Variants in APOBEC3F observed in about 807,000 individuals in gnomAD.
APOBEC3F encodes the protein DNA dC->dU-editing enzyme APOBEC-3F.
In APOBEC3F, 34 loss-of-function variants were observed where a neutral mutation model predicts 45.8. That is an observed-to-expected ratio of 0.74 (90% CI 0.57 to 0.99). The LOEUF (loss-of-function observed/expected upper bound fraction) is 0.99, where lower values mean the gene tolerates loss of function less well. Among genes scored for constraint, APOBEC3F ranks in the 50% least tolerant of loss-of-function variants. The pLI, the probability that APOBEC3F is intolerant of heterozygous loss-of-function variation, is 0.00. For missense variants in APOBEC3F, 459 were observed against 474.1 expected (o/e 0.97, Z 0.30); for synonymous variants, 192 against 174.4 (o/e 1.10, Z -0.80).
At position 39,052,731 on chromosome 22, in the gene APOBEC3F, G is replaced by A. The variant is rs1388359614; in HGVS notation, c.*36G>A. On this transcript the variant is annotated 3_prime_UTR_variant, in exon 7 of 7. Transcript: ENST00000308521. ...CGGGCCTCATGGTCTGTCTCCTCTA[G>A]CCTCCTGCTCATGTTGTGCAGGCCT... 7 of 1,595,012 alleles carry A rather than the reference G, an allele frequency of 4.4e-6. No homozygotes were observed. The highest frequency in any genetic ancestry group is 6.0e-6 in the Non-Finnish European group (7 of 1,171,004).
Position 39,055,091 on chromosome 22 carries a change from T to TC in APOBEC3F, c.*2397dup, listed in dbSNP as rs397764136. Among the ~76,000 whole-genome samples the TC allele has an allele frequency of 1.9e-4, 29 of 151,576 alleles. No individual in the cohort carries two copies. Among genetic ancestry groups the TC allele is most frequent in the African/African-American group, 4.9e-4 (20 of 41,220 alleles). The stretch of plus-strand genomic sequence containing the variant: ...CTTCCAAATATCTTTTTTTTTTTTT[T>TC]CAGACAGTTTTGCTCTTGTTTTCTA... On this transcript the variant is annotated 3_prime_UTR_variant, in exon 7 of 7. Coordinates refer to ENST00000308521, the MANE Select transcript of APOBEC3F (RefSeq NM_145298.6).
intron 5 of APOBEC3F, 118 bp downstream of exon 5, chr22:39,049,699 CTTT>C (rs35594508): frequency 0.021 from 17,125 of 811,166 alleles, no homozygotes; most frequent in Middle Eastern, 0.033. Context: ...TCTTACATTT[CTTT>C]TTTTTTTTTT....
At position 39,054,377 on chromosome 22, in the gene APOBEC3F, G is replaced by A. The variant is rs146036579; in HGVS notation, c.*1682G>A. ...CTCCCAAGTAGCTGGGATTACATGC[G>A]CGTGCCACCACGCCTAGCTAATTTT... On this transcript the variant is annotated 3_prime_UTR_variant, in exon 7 of 7. Transcript: ENST00000308521. Among the ~76,000 whole-genome samples the A allele has an allele frequency of 1.5e-3, 228 of 152,206 alleles. No homozygotes were observed. The highest frequency in any genetic ancestry group is 5.2e-3 in the African/African-American group (215 of 41,504).
At chr22:39,048,841 C>T (rs113346575) in intron 4 of APOBEC3F, among the ~76,000 whole-genome samples, 5 of 151,590 alleles carry the variant, frequency 3.3e-5, no homozygotes, top group African/African-American at 1.2e-4. Flanking sequence ...AAAAATCAGC[C>T]GGACGTGGTG....
chr22:39,050,377 A>C (rs1403725359), intron 5 of APOBEC3F, among the ~76,000 whole-genome samples: 17 of 136,098 alleles, frequency 1.2e-4, no homozygotes, highest in East Asian at 4.9e-4. Flanking sequence ...GTCGTGTCCC[A>C]CCCAACCCTG....
chr22:39,052,420 A>G, intron 6 of APOBEC3F, 67 bp downstream of exon 6: 1 of 1,594,984 alleles, frequency 6.3e-7, no homozygotes, highest in South Asian at 1.1e-5. Context: ...GTGTGTCTGC[A>G]ATGCCGTGGG....
At chr22:39,052,479 G>A (rs1196955729) in intron 6 of APOBEC3F, 98 bp from the exon 7 acceptor site, 100 of 1,569,250 alleles carry the variant, frequency 6.4e-5, no homozygotes, top group Non-Finnish European at 8.3e-5. Flanking sequence ...AGTGTCCACT[G>A]CAACTGGCAG....
Position 39,046,781 on chromosome 22 carries a change from A to G in APOBEC3F, c.566+1239A>G, listed in dbSNP as rs548116226. Reference sequence around the variant, plus strand: ...ACAGGCTCATGCCACCACACTGGCTAATTTTTGTATTTTTAGTAGAGACGG... The same window carrying G: ...ACAGGCTCATGCCACCACACTGGCTGATTTTTGTATTTTTAGTAGAGACGG... On this transcript the variant is annotated intron_variant, in intron 4 of 6. Transcript: ENST00000308521. Among the ~76,000 whole-genome samples the G allele has an allele frequency of 1.1e-3, 168 of 152,100 alleles. 1 individual carries two copies. Among genetic ancestry groups the G allele is most frequent in the Non-Finnish European group, 8.5e-4 (58 of 67,982 alleles).
intron 4 of APOBEC3F, among the ~76,000 whole-genome samples, chr22:39,046,610 T>C (rs1927235408): frequency 6.6e-6 from 1 of 151,920 alleles, no homozygotes; most frequent in East Asian, 1.9e-4. Flanking sequence ...AAGGTCCCAA[T>C]TGAATAAGAT....
rs780803279 is a variant in APOBEC3F, at chr22:39,045,182, G to C, written c.413G>C (p.Ser138Thr). 6 of 1,614,174 alleles carry C rather than the reference G, an allele frequency of 3.7e-6. No individual in the cohort carries two copies. The Admixed American group carries it at 5.0e-5, about 13-fold the overall frequency. Residue 138 changes from serine (S) to threonine (T), a missense_variant, in exon 3 of 7, where the codon AGT (serine) becomes ACT (threonine). Coordinates refer to ENST00000308521, the MANE Select transcript of APOBEC3F (RefSeq NM_145298.6). ...TACCGAAGGGCGCTCTGCAGGCTGA[G>C]TCAGGCAGGGGCCCGCGTGAAGATT... ...RDYRRALCRL[S>T]QAGARVKIMD...
chr22:39,041,247 TGGTGCTCCCGGCCCTGGGAG>T, intron 1 of APOBEC3F, among the ~76,000 whole-genome samples: 1 of 151,474 alleles, frequency 6.6e-6, no homozygotes, highest in East Asian at 2.0e-4. Flanking sequence ...ATGGCAGGGC[TGGTGCTCCCGGCCCTGGGAG>T]GGTGCTCCCT....
chr22:39,041,112 C>T, intron 1 of APOBEC3F, 135 bp downstream of exon 1: 2 of 1,449,392 alleles, frequency 1.4e-6, no homozygotes, highest in Non-Finnish European at 1.9e-6. Flanking sequence ...CCCCTGCCCC[C>T]GCCACTCCCA....
rs1046366737 is a variant in APOBEC3F, at chr22:39,054,376, C to T, written c.*1681C>T. Reference sequence around the variant, plus strand: ...CCTCCCAAGTAGCTGGGATTACATGCGCGTGCCACCACGCCTAGCTAATTT... The same window carrying T: ...CCTCCCAAGTAGCTGGGATTACATGTGCGTGCCACCACGCCTAGCTAATTT... On this transcript the variant is annotated 3_prime_UTR_variant, in exon 7 of 7. Coordinates refer to ENST00000308521, the MANE Select transcript of APOBEC3F (RefSeq NM_145298.6). Among the ~76,000 whole-genome samples, 2 of 152,174 alleles carry T rather than the reference C, an allele frequency of 1.3e-5. No homozygotes were observed. The highest frequency in any genetic ancestry group is 4.8e-5 in the African/African-American group (2 of 41,422).
chr22:39,048,281 G>T (rs896327590), intron 4 of APOBEC3F, among the ~76,000 whole-genome samples: 2 of 152,164 alleles, frequency 1.3e-5, no homozygotes, highest in Non-Finnish European at 2.9e-5. Flanking sequence ...AGGTTACCCC[G>T]CCTCTCTGTG....
At position 39,055,825 on chromosome 22, in the gene APOBEC3F, C is replaced by T. The variant is rs184713813; in HGVS notation, c.*3130C>T. Among the ~76,000 whole-genome samples the T allele has an allele frequency of 9.9e-5, 15 of 152,244 alleles. No homozygotes were observed. The highest frequency in any genetic ancestry group is 2.1e-4 in the South Asian group (1 of 4,828). ...TGTAGCCCCCCAGTCACGTAGCCCA[C>T]GCTTGCACAATCTATCACGACCCTT... On this transcript the variant is annotated 3_prime_UTR_variant, in exon 7 of 7. Coordinates refer to ENST00000308521, the MANE Select transcript of APOBEC3F (RefSeq NM_145298.6).
At chr22:39,042,337 G>GTT (rs1220716160) in intron 1 of APOBEC3F, among the ~76,000 whole-genome samples, 3 of 141,474 alleles carry the variant, frequency 2.1e-5, no homozygotes, top group Admixed American at 7.2e-5. Flanking sequence ...TTGAGATGGA[G>GTT]TTTCGCTCTT....
rs1180881784 is a variant in APOBEC3F at position 39,054,094 on chromosome 22, C to T, written c.*1399C>T. On this transcript the variant is annotated 3_prime_UTR_variant, in exon 7 of 7. Coordinates refer to ENST00000308521, the MANE Select transcript of APOBEC3F (RefSeq NM_145298.6). ...ATGGTGCGGTCTCGGCTCACTGCAA[C>T]CTCTGCCTCCCTTGTTCAAGTGATT... 1.3e-5 allele frequency among the ~76,000 whole-genome samples: 2 copies of T among 152,130 alleles called. No homozygotes were observed. The highest frequency in any genetic ancestry group is 3.9e-4 in the East Asian group (2 of 5,184).
chr22:39,054,889 G>A lies in APOBEC3F; in HGVS notation c.*2194G>A, dbSNP rs748024309. On this transcript the variant is annotated 3_prime_UTR_variant, in exon 7 of 7. Transcript: ENST00000308521. Reference sequence around the variant, plus strand: ...GGCCAGGTGCCCACATGAATAATGCGGGCCACAGGCAGGCATTTATTTTCT... The same window carrying A: ...GGCCAGGTGCCCACATGAATAATGCAGGCCACAGGCAGGCATTTATTTTCT... 2.0e-5 allele frequency among the ~76,000 whole-genome samples: 3 copies of A among 152,008 alleles called. No individual in the cohort carries two copies. The highest frequency in any genetic ancestry group is 2.9e-5 in the Non-Finnish European group (2 of 68,014).
chr22:39,050,548 G>A (rs1311806903), intron 5 of APOBEC3F, among the ~76,000 whole-genome samples: 2 of 149,292 alleles, frequency 1.3e-5, no homozygotes, highest in Non-Finnish European at 3.0e-5. Context: ...CTAAAAAGGC[G>A]ACAAGAACTT....
Sources: gnomAD v4.1 joint callset for allele counts (sites outside exome capture counted in the v4.1 genomes callset) on GRCh38, gnomAD v4.1.1 for gene constraint, MANE v1.5 for transcripts, NCBI Gene and HGNC (gene_info 2026-07-23, HGNC 2026-07-21) for gene names.